ADARB2: variants seen among roughly 807,000 people sequenced by gnomAD.
ADARB2 encodes the protein inactive double-stranded RNA-specific editase B2.
A neutral mutation model predicts 62.2 loss-of-function variants in ADARB2; 25 were observed. That is an observed-to-expected ratio of 0.40 (90% CI 0.29 to 0.56). ADARB2 has a LOEUF of 0.56. Ranked by LOEUF, ADARB2 falls within the 20% of genes least tolerant of loss-of-function variation. The pLI is 0.43. For synonymous variants in ADARB2, 572 were observed against 500.8 expected (o/e 1.14, Z -1.90); for missense variants, 1,071 against 1,077.4 (o/e 0.99, Z 0.08).
chr10:1,212,211 T>C (rs1351948461), intron 7 of ADARB2, among the ~76,000 whole-genome samples: 1 of 152,254 alleles, frequency 6.6e-6, no homozygotes, highest in African/African-American at 2.4e-5. Flanking sequence ...CTAGGTTTAA[T>C]TTTTGTTTTT....
At chr10:1,635,087 T>G (rs545219174) in intron 1 of ADARB2, among the ~76,000 whole-genome samples, 1 of 152,246 alleles carries the variant, frequency 6.6e-6, no homozygotes, top group African/African-American at 2.4e-5. Flanking sequence ...AAGATTATAA[T>G]GTACACTGAA....
intron 1 of ADARB2, among the ~76,000 whole-genome samples, chr10:1,729,828 C>T (rs2119045343): frequency 6.6e-6 from 1 of 152,276 alleles, no homozygotes; most frequent in African/African-American, 2.4e-5. Context: ...GCTCCCCATC[C>T]TATTTTAATA....
chr10:1,452,647 G>T (rs1321874410), intron 1 of ADARB2, among the ~76,000 whole-genome samples: 1 of 100,250 alleles, frequency 1.0e-5, no homozygotes, highest in Non-Finnish European at 2.0e-5. Context: ...ACTGGGGCCT[G>T]TTGGGGGGTT....
intron 1 of ADARB2, among the ~76,000 whole-genome samples, chr10:1,600,268 G>C (rs1833392800): frequency 6.6e-6 from 1 of 152,160 alleles, no homozygotes; most frequent in Non-Finnish European, 1.5e-5. Flanking sequence ...GCTACACTTA[G>C]GGAAACTGGC....
chr10:1,224,973 T>G (rs1029620682), intron 6 of ADARB2, among the ~76,000 whole-genome samples: 4 of 152,216 alleles, frequency 2.6e-5, no homozygotes, highest in Non-Finnish European at 4.4e-5. Flanking sequence ...GGTATCCTTG[T>G]TAACTTTCTG....
At chr10:1,660,559 C>T (rs1008107306) in intron 1 of ADARB2, among the ~76,000 whole-genome samples, 1 of 152,094 alleles carries the variant, frequency 6.6e-6, no homozygotes, top group Non-Finnish European at 1.5e-5. Flanking sequence ...GGGATTTTGC[C>T]CTGTCAACCA....
Position 1,468,764 on chromosome 10 carries a change from G to A in ADARB2, c.101-89604C>T, listed in dbSNP as rs184196456. Among the ~76,000 whole-genome samples the A allele has an allele frequency of 3.9e-5, 6 of 152,364 alleles. No individual in the cohort carries two copies. The East Asian group carries it at 7.7e-4, about 20-fold the overall frequency. On this transcript the variant is annotated intron_variant, in intron 1 of 9. Coordinates refer to ENST00000381312, the MANE Select transcript of ADARB2 (RefSeq NM_018702.4). The stretch of plus-strand genomic sequence containing the variant: ...ACCTTTCCCTTTCGCCTGCGGAAGC[G>A]ACGGGGCGTGCATGGCAAAGCTGCC...
At chr10:1,536,707 T>C (rs1288290146) in intron 1 of ADARB2, among the ~76,000 whole-genome samples, 1 of 152,216 alleles carries the variant, frequency 6.6e-6, no homozygotes, top group Non-Finnish European at 1.5e-5. Flanking sequence ...TCTTTTTCAA[T>C]GGGGAAATTG....
chr10:1,335,189 A>G (rs1375766004), intron 3 of ADARB2, among the ~76,000 whole-genome samples: 2 of 141,046 alleles, frequency 1.4e-5, no homozygotes, highest in African/African-American at 5.1e-5. Context: ...CTTATTGAGG[A>G]TGTCTGTGAG....
chr10:1,324,809 G>A (rs1831828018), intron 3 of ADARB2, among the ~76,000 whole-genome samples: 1 of 152,122 alleles, frequency 6.6e-6, no homozygotes, highest in Admixed American at 6.5e-5. Context: ...GACAGTGCAG[G>A]TGGGCACACA....
At chr10:1,243,982 C>A (rs1474198075) in intron 4 of ADARB2, among the ~76,000 whole-genome samples, 1 of 152,238 alleles carries the variant, frequency 6.6e-6, no homozygotes, top group Non-Finnish European at 1.5e-5. Flanking sequence ...CAGGACACGA[C>A]CAGCCGCCCT....
At chr10:1,317,891 C>T (rs1831755174) in intron 3 of ADARB2, among the ~76,000 whole-genome samples, 1 of 152,168 alleles carries the variant, frequency 6.6e-6, no homozygotes, top group South Asian at 2.1e-4. Context: ...AGCTTGGTAC[C>T]CATCCCGTCA....
intron 1 of ADARB2, among the ~76,000 whole-genome samples, chr10:1,503,555 T>A (rs1475930845): frequency 6.6e-6 from 1 of 152,050 alleles, no homozygotes; most frequent in Admixed American, 6.6e-5. Flanking sequence ...TACAGCACGA[T>A]ATAGATCTTG....
At chr10:1,475,438 G>C (rs1351841336) in intron 1 of ADARB2, among the ~76,000 whole-genome samples, 2 of 152,184 alleles carry the variant, frequency 1.3e-5, no homozygotes, top group Non-Finnish European at 2.9e-5. Context: ...ACCCATCCCG[G>C]GCCCCAGCGG....
intron 3 of ADARB2, among the ~76,000 whole-genome samples, chr10:1,304,188 A>G (rs971138159): frequency 1.6e-4 from 24 of 152,318 alleles, no homozygotes; most frequent in Middle Eastern, 3.4e-3. Flanking sequence ...AGATCTACCA[A>G]GCAAATGGAA....
chr10:1,559,714 G>A (rs1458306378), intron 1 of ADARB2, among the ~76,000 whole-genome samples: 2 of 152,190 alleles, frequency 1.3e-5, no homozygotes, highest in East Asian at 1.9e-4. Flanking sequence ...TCCTGCCCTC[G>A]GTTGACTGAT....
chr10:1,219,240 C>T (rs1244799863), intron 6 of ADARB2, among the ~76,000 whole-genome samples: 1 of 152,106 alleles, frequency 6.6e-6, no homozygotes, highest in East Asian at 1.9e-4. Context: ...TTATAAATTA[C>T]CCAGTCTCAG....
intron 7 of ADARB2, 71 bp from the exon 8 acceptor site, chr10:1,200,218 T>C: frequency 2.6e-6 from 4 of 1,542,404 alleles, no homozygotes; most frequent in Non-Finnish European, 3.5e-6. Context: ...TCTGTCCGTC[T>C]GCGGCCTGGT....
intron 1 of ADARB2, among the ~76,000 whole-genome samples, chr10:1,502,902 G>A (rs1403945708): frequency 2.6e-5 from 4 of 152,190 alleles, no homozygotes; most frequent in African/African-American, 2.4e-5. Context: ...CTTGGTAATA[G>A]CATGAGCATA....
Sources: gnomAD v4.1 joint callset for allele counts (sites outside exome capture counted in the v4.1 genomes callset) on GRCh38, gnomAD v4.1.1 for gene constraint, MANE v1.5 for transcripts, NCBI Gene and HGNC (gene_info 2026-07-23, HGNC 2026-07-21) for gene names.